GRAMD1B: variants seen among roughly 807,000 people sequenced by gnomAD.
The protein encoded by GRAMD1B is GRAM domain containing 1B, also known as protein Aster-B.
GRAMD1B carries 37 observed loss-of-function variants against 99.7 expected under a neutral mutation model. The observed-to-expected ratio is 0.37, with a 90% confidence interval of 0.29 to 0.49. The LOEUF is 0.49. GRAMD1B is among the 20% of genes least tolerant of loss of function. The pLI, the probability that GRAMD1B is intolerant of heterozygous loss-of-function variation, is 0.98. For missense variants in GRAMD1B, 888 were observed against 1,009.2 expected, an observed-to-expected ratio of 0.88 and a Z score of 1.63; for synonymous variants, 427 against 387.6, an observed-to-expected ratio of 1.10 and a Z score of -1.19.
chr11:123,626,929 C>T lies in GRAMD1B; in HGVS notation c.*4334C>T, dbSNP rs1289256173. ...CACACTATTTAGAGAGCTCCCTTCC[C>T]ACCTCTCTGCCCAGCCTTGTTACCT... On this transcript the variant is annotated 3_prime_UTR_variant, in exon 20 of 20. Transcript: ENST00000635736. 2 of 152,314 alleles carry T rather than the reference C, an allele frequency of 1.3e-5. No individual in the cohort carries two copies. The highest frequency in any genetic ancestry group is 2.9e-5 in the Non-Finnish European group (2 of 68,144). 9.4% of individuals were successfully genotyped at this position (152,314 alleles called of 1,614,324 possible).
chr11:123,479,054 G>A (rs1490747166), intron 1 of GRAMD1B, among the ~76,000 whole-genome samples: 1 of 152,200 alleles, frequency 6.6e-6, no homozygotes, highest in African/African-American at 2.4e-5. Context: ...AAATCCATCC[G>A]AGCTGGCAAA....
chr11:123,410,388 G>C (rs556471346), intron 1 of GRAMD1B, among the ~76,000 whole-genome samples: 243 of 152,254 alleles, frequency 1.6e-3, no homozygotes, highest in African/African-American at 5.3e-3. Context: ...ATAGGATCTG[G>C]AGAGAAGCAG....
intron 4 of GRAMD1B, among the ~76,000 whole-genome samples, chr11:123,589,734 T>C (rs1271095380): frequency 1.3e-5 from 2 of 151,810 alleles, no homozygotes; most frequent in Non-Finnish European, 2.9e-5. Context: ...AGTGCTGGGA[T>C]TACAAGCACG....
At chr11:123,402,780 T>G (rs1947712533) in intron 1 of GRAMD1B, among the ~76,000 whole-genome samples, 1 of 152,196 alleles carries the variant, frequency 6.6e-6, no homozygotes, top group South Asian at 2.1e-4. Context: ...AAAGGTGGTT[T>G]TAATACTCTC....
At chr11:123,361,903 A>G (rs746154779) in intron 1 of GRAMD1B, among the ~76,000 whole-genome samples, 43 of 152,260 alleles carry the variant, frequency 2.8e-4, no homozygotes, top group Non-Finnish European at 5.6e-4. Flanking sequence ...ACGGGATGGT[A>G]AGTAGGCACA....
chr11:123,536,024 G>A (rs1434403159), intron 2 of GRAMD1B, among the ~76,000 whole-genome samples: 2 of 152,136 alleles, frequency 1.3e-5, no homozygotes, highest in Non-Finnish European at 2.9e-5. Flanking sequence ...GCTATGTGGC[G>A]GGCCTCTGGG....
At chr11:123,372,853 T>C (rs1338055924) in intron 1 of GRAMD1B, among the ~76,000 whole-genome samples, 1 of 152,146 alleles carries the variant, frequency 6.6e-6, no homozygotes, top group Non-Finnish European at 1.5e-5. Context: ...AATTGAGAGC[T>C]CTCTGGCTGG....
chr11:123,497,771 G>C (rs1591715768), intron 2 of GRAMD1B, among the ~76,000 whole-genome samples: 1 of 151,860 alleles, frequency 6.6e-6, no homozygotes, highest in East Asian at 1.9e-4. Flanking sequence ...CATGGTGGTG[G>C]GTGCCTGTAA....
chr11:123,587,508 G>A lies in GRAMD1B; in HGVS notation c.684+3176G>A, dbSNP rs894631663. ...CAGAGTTGAGGGGCAACCTGGCCAG[G>A]GCCACTGGGGCAAGAGGGGTGAAAT... On this transcript the variant is annotated intron_variant, in intron 4 of 19. Coordinates refer to ENST00000635736, the MANE Select transcript of GRAMD1B (RefSeq NM_001387025.1). This position sits in a 1 kb window ranked among gnomAD's most constrained non-coding sequence, Gnocchi z 4.2. 3.9e-5 allele frequency among the ~76,000 whole-genome samples: 6 copies of A among 152,204 alleles called. No homozygotes were observed. The highest frequency in any genetic ancestry group is 1.4e-4 in the African/African-American group (6 of 41,456).
intron 1 of GRAMD1B, among the ~76,000 whole-genome samples, chr11:123,405,083 C>CAG (rs150231480): frequency 2.0e-5 from 3 of 149,304 alleles, no homozygotes; most frequent in Non-Finnish European, 3.0e-5. Context: ...TAGCAAGAGA[C>CAG]AGAGAGAGAG....
chr11:123,561,088 C>G, intron 2 of GRAMD1B, among the ~76,000 whole-genome samples: 1 of 152,132 alleles, frequency 6.6e-6, no homozygotes, highest in East Asian at 1.9e-4. Flanking sequence ...GCTGGAGAGA[C>G]AGGCTGGGTT....
chr11:123,379,226 G>A (rs1440365517), intron 1 of GRAMD1B, among the ~76,000 whole-genome samples: 1 of 152,138 alleles, frequency 6.6e-6, no homozygotes, highest in Non-Finnish European at 1.5e-5. Context: ...ATTTGAACGG[G>A]ACCCAATAAG....
At chr11:123,548,485 C>G (rs1945302309) in intron 2 of GRAMD1B, among the ~76,000 whole-genome samples, 1 of 151,574 alleles carries the variant, frequency 6.6e-6, no homozygotes, top group Non-Finnish European at 1.5e-5. Context: ...TCCATGCCAT[C>G]CTATGGAAAG....
chr11:123,534,579 C>T (rs1943753975), intron 2 of GRAMD1B, among the ~76,000 whole-genome samples: 1 of 151,988 alleles, frequency 6.6e-6, no homozygotes, highest in Non-Finnish European at 1.5e-5. Context: ...GAGAGACGAG[C>T]AGGCCTGGCG....
chr11:123,457,817 G>T (rs1386432356), intron 1 of GRAMD1B, among the ~76,000 whole-genome samples: 1 of 152,314 alleles, frequency 6.6e-6, no homozygotes, highest in Admixed American at 6.5e-5. Context: ...CTGGGCTCAA[G>T]TGATCCTCCT....
rs534603655 is a variant in GRAMD1B, at chr11:123,489,228, G to A, written c.452+8335G>A. On this transcript the variant is annotated intron_variant, in intron 2 of 19. Coordinates refer to ENST00000635736, the MANE Select transcript of GRAMD1B (RefSeq NM_001387025.1). ...ATTATCATTAAAACAGTGGGTCGAG[G>A]ACGAAGGATTTGAGGAGCAGAGGTG... 2.6e-5 allele frequency among the ~76,000 whole-genome samples: 4 copies of A among 152,300 alleles called. No homozygotes were observed. The South Asian group carries it at 8.3e-4, about 32-fold the overall frequency.
In GRAMD1B at chr11:123,591,322, C is replaced by G; in HGVS notation, c.685-2760C>G. 1 of 398,138 alleles carries G rather than the reference C, an allele frequency of 2.5e-6. No individual in the cohort carries two copies. Among genetic ancestry groups the G allele is most frequent in the Non-Finnish European group, 4.4e-6 (1 of 225,938 alleles). The allele number at this position is 398,138 out of a possible 1,614,324, so 24.7% of individuals were successfully genotyped here. ...CAAGCCAGGGGAGACCAGTTGTTTTCATCGTGTGGGGACAGTCGGGAGTCA... is the reference window on the plus strand; with the variant it reads ...CAAGCCAGGGGAGACCAGTTGTTTTGATCGTGTGGGGACAGTCGGGAGTCA... On this transcript the variant is annotated intron_variant, in intron 4 of 19. Coordinates refer to ENST00000635736, the MANE Select transcript of GRAMD1B (RefSeq NM_001387025.1). This position sits in a 1 kb window ranked among gnomAD's most constrained non-coding sequence, Gnocchi z 4.7.
chr11:123,438,948 G>A (rs1949285646), intron 1 of GRAMD1B, among the ~76,000 whole-genome samples: 1 of 152,192 alleles, frequency 6.6e-6, no homozygotes, highest in South Asian at 2.1e-4. Flanking sequence ...AGGCTGGCCC[G>A]GAGAGCCTGG....
At chr11:123,416,917 C>T (rs1948250078) in intron 1 of GRAMD1B, among the ~76,000 whole-genome samples, 1 of 152,124 alleles carries the variant, frequency 6.6e-6, no homozygotes, top group African/African-American at 2.4e-5. Flanking sequence ...CATTGGTTAA[C>T]TGAGGCACTG....
Sources: allele counts gnomAD v4.1 joint callset (sites outside exome capture counted in the v4.1 genomes callset), GRCh38; gene constraint gnomAD v4.1.1; non-coding constraint Gnocchi (gnomAD v3.1); transcripts MANE v1.5; gene names NCBI Gene and HGNC (gene_info 2026-07-23, HGNC 2026-07-21).